SPTBN4: variants seen among roughly 807,000 people sequenced by gnomAD.
The protein encoded by SPTBN4 is spectrin beta, non-erythrocytic 4.
In SPTBN4, 96 loss-of-function variants were observed where a neutral mutation model predicts 277.8. The observed-to-expected ratio is 0.35, with a 90% CI of 0.29 to 0.41. The LOEUF (loss-of-function observed/expected upper bound fraction) is 0.41. Ranked by LOEUF, SPTBN4 falls within the 10% of genes least tolerant of loss-of-function variation. The probability of loss-of-function intolerance (pLI) is 1.00; values close to 1 mark genes in which losing one functional copy is unlikely to be tolerated. For missense variants in SPTBN4, 3,006 were observed against 3,595.7 expected, an observed-to-expected ratio of 0.84 and a Z score of 4.19; for synonymous variants, 1,481 against 1,580.3, an observed-to-expected ratio of 0.94 and a Z score of 1.49.
At chr19:40,536,452 G>A (rs2080737629) in intron 20 of SPTBN4, among the ~76,000 whole-genome samples, 1 of 152,110 alleles carries the variant, frequency 6.6e-6, no homozygotes, top group South Asian at 2.1e-4. Flanking sequence ...GACCACAGGT[G>A]ATTCACCCGC....
intron 17 of SPTBN4, among the ~76,000 whole-genome samples, chr19:40,528,092 TC>T (rs942541560): frequency 2.1e-5 from 3 of 144,330 alleles, no homozygotes; most frequent in Admixed American, 6.9e-5. Flanking sequence ...CTAAGGACTC[TC>T]ATGGAGACCC....
intron 22 of SPTBN4, among the ~76,000 whole-genome samples, chr19:40,551,775 CTT>C (rs1392533060): frequency 1.3e-5 from 2 of 152,120 alleles, no homozygotes; most frequent in Non-Finnish European, 2.9e-5. Flanking sequence ...AGGATGATCA[CTT>C]GAGCCCAGGA....
rs2081178223 is a variant in SPTBN4, at chr19:40,573,997, G to A, written c.7537-1414G>A. The stretch of plus-strand genomic sequence containing the variant: ...GGCGCCTGTAGTCCCAGCTACTTGG[G>A]AGGCTGAGGCAGAAGAATGGCTTGA... On this transcript the variant is annotated intron_variant, in intron 35 of 35. Coordinates refer to ENST00000598249, the MANE Select transcript of SPTBN4 (RefSeq NM_020971.3). 1.3e-5 allele frequency among the ~76,000 whole-genome samples: 2 copies of A among 152,070 alleles called. 1 individual carries two copies. Among genetic ancestry groups the A allele is most frequent in the African/African-American group, 4.8e-5 (2 of 41,406 alleles).
chr19:40,520,285 G>A (rs1321669826), intron 16 of SPTBN4, 134 bp downstream of exon 16: 8 of 981,312 alleles, frequency 8.2e-6, no homozygotes, highest in Non-Finnish European at 1.1e-5. Context: ...TGGGAGGTGA[G>A]AGAGTATCCG....
chr19:40,516,023 G>GTATA lies in SPTBN4; in HGVS notation c.2903+580_2903+583dup, dbSNP rs757065869. Among the ~76,000 whole-genome samples the GTATA allele has an allele frequency of 5.4e-3, 754 of 139,066 alleles. 26 individuals are homozygous for GTATA. The highest frequency in any genetic ancestry group is 0.024 in the South Asian group (103 of 4,314). 91.2% of individuals were successfully genotyped at this position (139,066 alleles called of 152,430 possible). A position where few individuals can be genotyped will look rare whatever the true frequency, so the allele number is the denominator to read the frequency against. On this transcript the variant is annotated intron_variant, in intron 15 of 35. Transcript: ENST00000598249. The stretch of plus-strand genomic sequence containing the variant: ...TATACGTATATATACACACATATAC[G>GTATA]TATATATACACATATATATGTATAT...
At chr19:40,525,670 C>T (rs1483409758) in intron 17 of SPTBN4, among the ~76,000 whole-genome samples, 1 of 152,190 alleles carries the variant, frequency 6.6e-6, no homozygotes. Flanking sequence ...TGAGCCCGTG[C>T]TCTGTACGGA....
chr19:40,513,222 G>T lies in SPTBN4; in HGVS notation c.2433G>T (p.Leu811=), dbSNP rs1036849665. The T allele has an allele frequency of 1.3e-6, 2 of 1,505,364 alleles. No individual in the cohort carries two copies. Among genetic ancestry groups the T allele is most frequent in the Non-Finnish European group, 1.8e-6 (2 of 1,134,854 alleles). The allele number at this position is 1,505,364 out of a possible 1,614,324, so 93.3% of individuals were successfully genotyped here. A position where few individuals can be genotyped will look rare whatever the true frequency, so the allele number is the denominator to read the frequency against. Residue 811 remains leucine, a synonymous_variant, in exon 14 of 36, where the codon CTG becomes CTT. Coordinates refer to ENST00000598249, the MANE Select transcript of SPTBN4 (RefSeq NM_020971.3). ...FGHDEASSRR[L]ARQHRALTGE... is the part of the protein sequence containing the mutation. ...ACGACGAAGCTTCCAGCCGCCGCCTGGCGCGCCAGCACCGCGCGCTCACCG... is the reference window on the plus strand; with the variant it reads ...ACGACGAAGCTTCCAGCCGCCGCCTTGCGCGCCAGCACCGCGCGCTCACCG...
At chr19:40,547,419 C>A (rs2080870892) in intron 20 of SPTBN4, among the ~76,000 whole-genome samples, 1 of 152,104 alleles carries the variant, frequency 6.6e-6, no homozygotes, top group African/African-American at 2.4e-5. Flanking sequence ...TTTCTTAATC[C>A]AGTCTATCAT....
chr19:40,521,914 G>T (rs1172993776), intron 16 of SPTBN4, among the ~76,000 whole-genome samples: 1 of 152,170 alleles, frequency 6.6e-6, no homozygotes, highest in Admixed American at 6.5e-5. Flanking sequence ...CTCCCAAAGT[G>T]CTGGGATTGC....
At chr19:40,568,943 T>A (rs1056010558) in intron 31 of SPTBN4, among the ~76,000 whole-genome samples, 1 of 152,150 alleles carries the variant, frequency 6.6e-6, no homozygotes, top group Non-Finnish European at 1.5e-5. Flanking sequence ...TGGCATGTGC[T>A]GAGTCGAGCG....
At chr19:40,472,533 G>A in intron 1 of SPTBN4, 74 bp from the exon 2 acceptor site, 1 of 1,354,184 alleles carries the variant, frequency 7.4e-7, no homozygotes, top group South Asian at 1.4e-5. Flanking sequence ...CAAGAGAGGG[G>A]ACAGGACTCA....
Position 40,468,158 on chromosome 19 carries a change from A to T in SPTBN4, c.-16+853A>T, listed in dbSNP as rs531219757. Among the ~76,000 whole-genome samples, 5 of 151,662 alleles carry T rather than the reference A, an allele frequency of 3.3e-5. No homozygotes were observed. In the East Asian group the frequency reaches 7.8e-4, roughly 24 times the overall value. On this transcript the variant is annotated intron_variant, in intron 1 of 35. Transcript: ENST00000598249. ...AATGGCGCGATCTTGGCTCACTGCA[A>T]CCTCTGCCTCCCGACTTCAAGCAGT...
intron 17 of SPTBN4, chr19:40,524,651 G>A: frequency 2.2e-6 from 1 of 455,190 alleles, no homozygotes; most frequent in Non-Finnish European, 4.4e-6. Flanking sequence ...CTTTCCAGAT[G>A]GGACAGTGTC....
chr19:40,528,979 A>G, intron 17 of SPTBN4, 62 bp from the exon 18 acceptor site: 8 of 1,315,340 alleles, frequency 6.1e-6, no homozygotes, highest in Non-Finnish European at 8.8e-6. Context: ...TCACAGTCCT[A>G]CTGCCAGCGC....
chr19:40,519,939 C>T lies in SPTBN4; in HGVS notation c.3442C>T (p.Arg1148Cys), dbSNP rs756285639. 7 of 1,548,442 alleles carry T rather than the reference C, an allele frequency of 4.5e-6. No individual in the cohort carries two copies. The East Asian group carries it at 7.3e-5, about 16-fold the overall frequency. Residue 1148 changes from arginine (R) to cysteine (C), a missense_variant, in exon 16 of 36, where the codon CGC becomes TGC. By Grantham distance (180) the Arg-to-Cys change is radical. Transcript: ENST00000598249. This position sits in a 1 kb window ranked among gnomAD's most constrained non-coding sequence, Gnocchi z 5.7. ...EVDQREEDYA[R>C]IVAASEALLA... is the part of the protein sequence containing the mutation. Reference sequence around the variant, plus strand: ...GGACCAGCGCGAGGAAGACTATGCTCGCATCGTGGCGGCCAGCGAGGCGCT... The same window carrying T: ...GGACCAGCGCGAGGAAGACTATGCTTGCATCGTGGCGGCCAGCGAGGCGCT...
intron 20 of SPTBN4, among the ~76,000 whole-genome samples, chr19:40,546,109 C>A (rs962973369): frequency 2.0e-5 from 3 of 147,812 alleles, no homozygotes; most frequent in Admixed American, 6.8e-5. Flanking sequence ...CCTGTGATCC[C>A]AGCTACTCGG....
rs764925985 is a variant in SPTBN4, at chr19:40,565,579, G to C, written c.6054+18G>C. The C allele has an allele frequency of 1.9e-6, 3 of 1,610,974 alleles. No homozygotes were observed. The highest frequency in any genetic ancestry group is 1.1e-5 in the South Asian group (1 of 90,646). On this transcript the variant is annotated intron_variant, in intron 28 of 35. Coordinates refer to ENST00000598249, the MANE Select transcript of SPTBN4 (RefSeq NM_020971.3). ...CTGATGAGGTGGGGAGCAGGGAGGGGGTCCCCCTCTGCCACCCGGGCACAT... is the reference window on the plus strand; with the variant it reads ...CTGATGAGGTGGGGAGCAGGGAGGGCGTCCCCCTCTGCCACCCGGGCACAT...
At chr19:40,537,555 G>A (rs569040171) in intron 20 of SPTBN4, among the ~76,000 whole-genome samples, 1 of 152,320 alleles carries the variant, frequency 6.6e-6, no homozygotes, top group African/African-American at 2.4e-5. Context: ...TTTGAGAACT[G>A]CTGATGTACA....
intron 7 of SPTBN4, among the ~76,000 whole-genome samples, chr19:40,500,198 A>G (rs2080249057): frequency 6.6e-6 from 1 of 152,022 alleles, no homozygotes; most frequent in Admixed American, 6.6e-5. Context: ...CTCAAAAAGC[A>G]AAAAACAACA....
Sources: gnomAD v4.1 joint callset for allele counts (sites outside exome capture counted in the v4.1 genomes callset) on GRCh38, gnomAD v4.1.1 for gene constraint, Gnocchi (gnomAD v3.1) non-coding constraint, MANE v1.5 for transcripts, NCBI Gene and HGNC (gene_info 2026-07-23, HGNC 2026-07-21) for gene names.